The following XKR3 variants were observed in gnomAD, a reference collection of about 807,000 sequenced individuals.
XKR3 encodes the protein XK-related protein 3.
XKR3 carries 27 observed loss-of-function variants against 40.3 expected under a neutral mutation model. The observed-to-expected ratio is 0.67, with a 90% CI of 0.49 to 0.92. The LOEUF (loss-of-function observed/expected upper bound fraction) is 0.92. Among genes scored for constraint, XKR3 ranks in the 40% least tolerant of loss-of-function variants. XKR3 has a pLI of 0.00. For missense variants in XKR3, 472 were observed against 537.6 expected (o/e 0.88, Z 1.21); for synonymous variants, 193 against 195.4 (o/e 0.99, Z 0.10).
intron 3 of XKR3, among the ~76,000 whole-genome samples, chr22:16,791,606 T>C (rs1184928674): frequency 6.6e-6 from 1 of 151,464 alleles, no homozygotes; most frequent in Non-Finnish European, 1.5e-5. Context: ...GATTTAACTA[T>C]TCCATGTTAT....
At chr22:16,810,211 A>T (rs560418230) in intron 1 of XKR3, among the ~76,000 whole-genome samples, 5 of 152,308 alleles carry the variant, frequency 3.3e-5, no homozygotes, top group Non-Finnish European at 5.9e-5. Flanking sequence ...CCCCAAACTT[A>T]TAGGAGTCTG....
chr22:16,797,605 A>G (rs62227212), intron 3 of XKR3, among the ~76,000 whole-genome samples: 6,327 of 151,762 alleles, frequency 0.042, 191 homozygotes, highest in Non-Finnish European at 0.063. Flanking sequence ...ATCCTGGCTA[A>G]CATGGTGAAA....
intron 3 of XKR3, among the ~76,000 whole-genome samples, chr22:16,790,752 G>A (rs1347210093): frequency 1.7e-4 from 26 of 151,804 alleles, no homozygotes; most frequent in Non-Finnish European, 2.2e-4. Context: ...ACAATTCTCC[G>A]TAAAGAAAAT....
intron 3 of XKR3, among the ~76,000 whole-genome samples, chr22:16,793,066 G>A (rs1239081222): frequency 2.6e-5 from 4 of 152,240 alleles, no homozygotes; most frequent in Middle Eastern, 3.4e-3. Context: ...AGGCTGGAGT[G>A]CAATGGGGCC....
intron 1 of XKR3, among the ~76,000 whole-genome samples, chr22:16,811,204 A>C (rs1331501052): frequency 6.7e-6 from 1 of 149,388 alleles, no homozygotes. Context: ...TCACCACACA[A>C]CCTCTGCCTC....
At position 16,795,508 on chromosome 22, in the gene XKR3, G is replaced by A. The variant is rs186690215; in HGVS notation, c.589+4263C>T. Among the ~76,000 whole-genome samples, 287 of 152,080 alleles carry A rather than the reference G, an allele frequency of 1.9e-3. 2 individuals carry two copies. Among genetic ancestry groups the A allele is most frequent in the African/African-American group, 6.6e-3 (275 of 41,488 alleles). On this transcript the variant is annotated intron_variant, in intron 3 of 3. Coordinates refer to ENST00000684488, the MANE Select transcript of XKR3 (RefSeq NM_001386955.1). ...GCACCTAAAAGAACTGGGAGGGAGG[G>A]GGAACCAACACCAAATCTAGCAGAA...
intron 1 of XKR3, among the ~76,000 whole-genome samples, chr22:16,812,290 C>A (rs2060216180): frequency 1.3e-5 from 2 of 152,188 alleles, no homozygotes; most frequent in Non-Finnish European, 2.9e-5. Context: ...CATATACATT[C>A]CTGTTAAGGC....
intron 3 of XKR3, among the ~76,000 whole-genome samples, chr22:16,793,532 T>C (rs1163807362): frequency 5.3e-5 from 8 of 151,866 alleles, no homozygotes; most frequent in African/African-American, 1.9e-4. Flanking sequence ...TAACTGCCAC[T>C]ACAATCATGT....
At chr22:16,818,279 T>G (rs1190164773) in intron 1 of XKR3, among the ~76,000 whole-genome samples, 1 of 152,098 alleles carries the variant, frequency 6.6e-6, no homozygotes, top group Non-Finnish European at 1.5e-5. Context: ...GTGTTTCCTC[T>G]GAACAACTAA....
At chr22:16,786,727 T>C (rs1181731548) in intron 3 of XKR3, among the ~76,000 whole-genome samples, 2 of 152,126 alleles carry the variant, frequency 1.3e-5, no homozygotes, top group African/African-American at 4.8e-5. Context: ...AGACCTTAAT[T>C]TCCTTCTTCT....
intron 1 of XKR3, among the ~76,000 whole-genome samples, chr22:16,824,027 AC>A (rs2060265668): frequency 6.6e-6 from 1 of 152,196 alleles, no homozygotes; most frequent in Admixed American, 6.5e-5. Flanking sequence ...AAACAAAACA[AC>A]AACAACAACA....
intron 1 of XKR3, among the ~76,000 whole-genome samples, chr22:16,824,889 A>T (rs954033516): frequency 1.3e-5 from 2 of 152,196 alleles, no homozygotes; most frequent in African/African-American, 4.8e-5. Flanking sequence ...GTGAAAGTGA[A>T]GTCACTGAAC....
intron 3 of XKR3, among the ~76,000 whole-genome samples, chr22:16,790,680 G>C (rs2146143871): frequency 6.6e-6 from 1 of 151,968 alleles, no homozygotes; most frequent in Non-Finnish European, 1.5e-5. Flanking sequence ...TAACAAACCT[G>C]CATATGTAGC....
intron 2 of XKR3, among the ~76,000 whole-genome samples, chr22:16,802,918 T>G (rs1040583899): frequency 6.6e-6 from 1 of 152,214 alleles, no homozygotes; most frequent in Admixed American, 6.5e-5. Context: ...AAGACAGCTT[T>G]GCAGAAATAA....
intron 3 of XKR3, among the ~76,000 whole-genome samples, chr22:16,797,564 G>A (rs2385713): frequency 0.5 from 75,670 of 151,666 alleles, 19,213 homozygotes; most frequent in Non-Finnish European, 0.54. Flanking sequence ...AGGCTGAGGC[G>A]GGCAGATCAC....
chr22:16,802,505 T>C (rs542958276), intron 2 of XKR3, among the ~76,000 whole-genome samples: 1 of 152,314 alleles, frequency 6.6e-6, no homozygotes, highest in Non-Finnish European at 1.5e-5. Flanking sequence ...TTTTTTTCTT[T>C]TTTTGAGACA....
At chr22:16,806,137 T>C (rs2060188282) in intron 2 of XKR3, among the ~76,000 whole-genome samples, 1 of 151,964 alleles carries the variant, frequency 6.6e-6, no homozygotes, top group African/African-American at 2.4e-5. Flanking sequence ...TGGGCACCTA[T>C]AATTCCAGCT....
At chr22:16,810,849 T>C (rs748685430) in intron 1 of XKR3, among the ~76,000 whole-genome samples, 13 of 152,200 alleles carry the variant, frequency 8.5e-5, no homozygotes, top group Non-Finnish European at 1.5e-4. Flanking sequence ...CAATACATAC[T>C]ACAACCTCAG....
chr22:16,785,189 A>C (rs5748624), intron 3 of XKR3, among the ~76,000 whole-genome samples: 128,176 of 152,062 alleles, frequency 0.84, 54,163 homozygotes, highest in Middle Eastern at 0.97. Context: ...TAGTGGTGGG[A>C]GCTTGTAGTC....
Sources: allele counts gnomAD v4.1 joint callset (sites outside exome capture counted in the v4.1 genomes callset), GRCh38; gene constraint gnomAD v4.1.1; transcripts MANE v1.5; gene names NCBI Gene and HGNC (gene_info 2026-07-23, HGNC 2026-07-21).